CDH11: variants seen among roughly 807,000 people sequenced by gnomAD.
CDH11 encodes cadherin 11.
CDH11 carries 11 observed loss-of-function variants against 67.8 expected under a neutral mutation model. The ratio of observed to expected loss-of-function variants is 0.16; its 90% CI spans 0.10 to 0.27. The LOEUF is 0.27. Ranked by LOEUF, CDH11 falls within the 10% of genes least tolerant of loss-of-function variation. The pLI is 1.00. For synonymous variants in CDH11, 419 were observed against 400.0 expected (o/e 1.05, Z -0.57); for missense variants, 847 against 1,031.2 (o/e 0.82, Z 2.45).
intron 3 of CDH11, 22 bp downstream of exon 3, chr16:65,004,620 G>A: frequency 6.2e-7 from 1 of 1,604,952 alleles, no homozygotes; most frequent in Non-Finnish European, 8.5e-7. Flanking sequence ...GAAAGCTCAG[G>A]ATTGAGGGAA....
chr16:65,030,897 T>C lies in CDH11; in HGVS notation c.-173+22907A>G, dbSNP rs370228718. ...ATTTTTAACATCAATGTAACTGAGA[T>C]CAGTAAAACTCAAGGAAGGATCTTT... On this transcript the variant is annotated intron_variant, in intron 2 of 12. Transcript: ENST00000268603. Among the ~76,000 whole-genome samples the C allele has an allele frequency of 1.1e-4, 16 of 152,228 alleles. No homozygotes were observed. The South Asian group carries it at 1.7e-3, about 16-fold the overall frequency.
At chr16:65,080,624 C>A (rs1190581419) in intron 1 of CDH11, among the ~76,000 whole-genome samples, 1 of 152,196 alleles carries the variant, frequency 6.6e-6, no homozygotes, top group Non-Finnish European at 1.5e-5. Context: ...GTCATGCATA[C>A]AATTTTGGTT....
intron 3 of CDH11, 95 bp downstream of exon 3, chr16:65,004,547 C>T (rs2073003422): frequency 1.5e-6 from 2 of 1,308,330 alleles, no homozygotes; most frequent in East Asian, 2.6e-5. Flanking sequence ...TGTTTTCTCT[C>T]TTAGATGCCT....
intron 1 of CDH11, among the ~76,000 whole-genome samples, chr16:65,112,345 T>A (rs1567586604): frequency 6.6e-6 from 1 of 152,292 alleles, no homozygotes; most frequent in East Asian, 1.9e-4. Context: ...AGGTGGCCTC[T>A]GTAGTCTCTC....
intron 2 of CDH11, 150 bp from the exon 3 acceptor site, chr16:65,005,191 C>A: frequency 1.6e-6 from 1 of 634,810 alleles, no homozygotes; most frequent in Non-Finnish European, 2.3e-6. Flanking sequence ...GCTCAGCTTG[C>A]TCATTTATGA....
chr16:65,015,271 A>G (rs1308018233), intron 2 of CDH11, among the ~76,000 whole-genome samples: 1 of 151,884 alleles, frequency 6.6e-6, no homozygotes, highest in Non-Finnish European at 1.5e-5. Flanking sequence ...AGTAATATCA[A>G]TTCTACCATT....
chr16:64,998,472 T>C (rs913236793), intron 4 of CDH11, 90 bp downstream of exon 4: 1 of 1,211,120 alleles, frequency 8.3e-7, no homozygotes. Flanking sequence ...GAAGAAGCTC[T>C]ACTTCCTGAT....
At chr16:64,958,021 A>G (rs1037822172) in intron 11 of CDH11, among the ~76,000 whole-genome samples, 22 of 152,164 alleles carry the variant, frequency 1.4e-4, no homozygotes, top group Non-Finnish European at 1.2e-4. Flanking sequence ...CTTTCTGAAT[A>G]CCCTGTGAGC....
chr16:64,967,332 C>T (rs138124077), intron 11 of CDH11, among the ~76,000 whole-genome samples: 4,011 of 152,204 alleles, frequency 0.026, 94 homozygotes, highest in South Asian at 0.17. Context: ...ATTCTCTTGC[C>T]TCAGCCTCCC....
chr16:65,089,186 T>C (rs1428367420), intron 1 of CDH11, among the ~76,000 whole-genome samples: 1 of 152,102 alleles, frequency 6.6e-6, no homozygotes, highest in African/African-American at 2.4e-5. Context: ...TGAGTAACTT[T>C]CCTGCAACTG....
rs1567477129 is a variant in CDH11 at position 64,945,300 on chromosome 16, GTAA to G, written c.*2300_*2302del. 1 of 360,022 alleles carries G rather than the reference GTAA, an allele frequency of 2.8e-6. No individual in the cohort carries two copies. The highest frequency in any genetic ancestry group is 3.4e-4 in the Admixed American group (1 of 2,926). The allele number at this position is 360,022 out of a possible 1,614,324, so 22.3% of individuals were successfully genotyped here. A position where few individuals can be genotyped will look rare whatever the true frequency, so the allele number is the denominator to read the frequency against. ...TAGAGGCTTAACGAAAAAATAAAAG[GTAA>G]AAAAAAAAAAAAAAAAGAAAAAGAA... On this transcript the variant is annotated 3_prime_UTR_variant, in exon 13 of 13. Coordinates refer to ENST00000268603, the MANE Select transcript of CDH11 (RefSeq NM_001797.4).
At chr16:65,034,713 C>T (rs1054330924) in intron 2 of CDH11, among the ~76,000 whole-genome samples, 1 of 152,170 alleles carries the variant, frequency 6.6e-6, no homozygotes, top group African/African-American at 2.4e-5. Context: ...GAGCCCCGCA[C>T]CCTAAAGCTT....
intron 1 of CDH11, among the ~76,000 whole-genome samples, chr16:65,078,111 G>A (rs1000864218): frequency 6.6e-6 from 1 of 152,138 alleles, no homozygotes; most frequent in African/African-American, 2.4e-5. Context: ...CGCATCCTCT[G>A]TTAATTTTGC....
chr16:65,050,152 C>T (rs1289475592), intron 2 of CDH11, among the ~76,000 whole-genome samples: 1 of 152,162 alleles, frequency 6.6e-6, no homozygotes, highest in African/African-American at 2.4e-5. Flanking sequence ...CATTTCTAGG[C>T]CCCTGTGCTC....
Position 64,985,217 on chromosome 16 carries a change from T to C in CDH11, c.1000-2916A>G, listed in dbSNP as rs1254956689. 4 of 152,196 alleles carry C rather than the reference T, an allele frequency of 2.6e-5. No individual in the cohort carries two copies. In the East Asian group the frequency reaches 7.7e-4, roughly 29 times the overall value. 9.4% of individuals were successfully genotyped at this position (152,196 alleles called of 1,614,324 possible). A position where few individuals can be genotyped will look rare whatever the true frequency, so the allele number is the denominator to read the frequency against. On this transcript the variant is annotated intron_variant, in intron 7 of 12. Coordinates refer to ENST00000268603, the MANE Select transcript of CDH11 (RefSeq NM_001797.4). ...TAGTTTCTCTCTTTCCTGTGCACTA[T>C]TAAACTAAGACACAGTCAGAACTCA...
At chr16:65,088,049 A>G (rs35709707) in intron 1 of CDH11, among the ~76,000 whole-genome samples, 45,393 of 152,094 alleles carry the variant, frequency 0.3, 7,841 homozygotes, top group Middle Eastern at 0.4. Context: ...ATATGATGGT[A>G]TTAGAGATGG....
rs200105290 is a variant in CDH11, at chr16:64,972,945, T to C, written c.1349A>G (p.Glu450Gly). 7.4e-6 allele frequency: 12 copies of C among 1,613,884 alleles called. No individual in the cohort carries two copies. In the East Asian group the frequency reaches 2.7e-4, roughly 36 times the overall value. Residue 450 changes from glutamate to glycine, a missense_variant, in exon 9 of 13, where the codon GAA becomes GGA. Physicochemically the swap from Glu to Gly is moderately conservative, Grantham distance 98 (BLOSUM62 -2). Coordinates refer to ENST00000268603, the MANE Select transcript of CDH11 (RefSeq NM_001797.4). ...IKTTKPLDREETAWLNITVFA... is the reference protein window; with the variant it reads ...IKTTKPLDREGTAWLNITVFA... The stretch of plus-strand genomic sequence containing the variant: ...GACAGTGATGTTGAGCCAGGCTGTT[T>C]CCTCTCTATCCAGAGGTTTTGTAGT...
rs994095152 is a variant in CDH11 at position 64,945,886 on chromosome 16, C to G, written c.*1717G>C. On this transcript the variant is annotated 3_prime_UTR_variant, in exon 13 of 13. Coordinates refer to ENST00000268603, the MANE Select transcript of CDH11 (RefSeq NM_001797.4). ...ATTGTCTGCAATCCAAGAAAAAGCA[C>G]GTGCCCTGTGTGTAGGGGGAAAGAG... is the stretch of plus-strand genomic sequence containing the variant. 9.5e-7 allele frequency: 1 copy of G among 1,057,038 alleles called. No individual in the cohort carries two copies. The highest frequency in any genetic ancestry group is 1.1e-6 in the Non-Finnish European group (1 of 874,300). 65.5% of individuals were successfully genotyped at this position (1,057,038 alleles called of 1,614,324 possible).
chr16:65,112,890 T>A (rs1292632456), intron 1 of CDH11, among the ~76,000 whole-genome samples: 1 of 152,226 alleles, frequency 6.6e-6, no homozygotes. Flanking sequence ...ACAACTTAAC[T>A]GCCCAAGGAT....
Sources: gnomAD v4.1 joint callset for allele counts (sites outside exome capture counted in the v4.1 genomes callset) on GRCh38, gnomAD v4.1.1 for gene constraint, MANE v1.5 for transcripts, NCBI Gene and HGNC (gene_info 2026-07-23, HGNC 2026-07-21) for gene names.